LRP1B: variants seen among roughly 807,000 people sequenced by gnomAD.
LRP1B encodes the protein low-density lipoprotein receptor-related protein 1B.
Under a neutral mutation model 556.6 loss-of-function variants are expected in LRP1B, and 217 were observed. That is an observed-to-expected ratio of 0.39 (90% CI 0.35 to 0.44). The LOEUF is 0.44. LRP1B is among the 20% of genes least tolerant of loss of function. The pLI is 1.00. For synonymous variants in LRP1B, 2,047 were observed against 1,865.8 expected (o/e 1.10, Z -2.50); for missense variants, 5,053 against 5,620.8 (o/e 0.90, Z 3.23).
chr2:140,663,641 G>T (rs1685170831), intron 41 of LRP1B, among the ~76,000 whole-genome samples: 1 of 152,094 alleles, frequency 6.6e-6, no homozygotes, highest in Non-Finnish European at 1.5e-5. Context: ...TGTCGTGGCT[G>T]GTTTGACCTT....
At chr2:141,755,310 A>G (rs909915366) in intron 2 of LRP1B, among the ~76,000 whole-genome samples, 7 of 152,098 alleles carry the variant, frequency 4.6e-5, no homozygotes, top group African/African-American at 9.7e-5. Flanking sequence ...GTTCTTATAA[A>G]CCAATATCAT....
At chr2:141,154,532 G>A (rs1702018114) in intron 7 of LRP1B, among the ~76,000 whole-genome samples, 1 of 151,726 alleles carries the variant, frequency 6.6e-6, no homozygotes, top group Non-Finnish European at 1.5e-5. Flanking sequence ...TTCTCTTCAA[G>A]CAATCAGAAA....
chr2:141,695,476 A>C (rs1691704313), intron 2 of LRP1B, among the ~76,000 whole-genome samples: 1 of 151,986 alleles, frequency 6.6e-6, no homozygotes, highest in Non-Finnish European at 1.5e-5. Context: ...TCTTCACAAT[A>C]AATTTATAAA....
chr2:141,034,157 A>G (rs1698460733), intron 11 of LRP1B, among the ~76,000 whole-genome samples: 1 of 152,114 alleles, frequency 6.6e-6, no homozygotes, highest in Non-Finnish European at 1.5e-5. Context: ...GTTTACACCT[A>G]TGGTATCTTA....
At chr2:141,154,396 C>A (rs978479374) in intron 7 of LRP1B, among the ~76,000 whole-genome samples, 2 of 151,758 alleles carry the variant, frequency 1.3e-5, no homozygotes, top group African/African-American at 4.8e-5. Flanking sequence ...CACAATTTCT[C>A]CCTGTAATTA....
At chr2:140,281,450 T>C (rs1159975857) in intron 84 of LRP1B, among the ~76,000 whole-genome samples, 1 of 151,812 alleles carries the variant, frequency 6.6e-6, no homozygotes, top group Non-Finnish European at 1.5e-5. Flanking sequence ...AAGCAGGGTA[T>C]GAAGATACCA....
At chr2:140,991,128 CT>C (rs1251487545) in intron 16 of LRP1B, among the ~76,000 whole-genome samples, 1 of 152,084 alleles carries the variant, frequency 6.6e-6, no homozygotes, top group Non-Finnish European at 1.5e-5. Context: ...ACTTCAGGGA[CT>C]TTAGCAAGAA....
In LRP1B at chr2:140,770,940, G is replaced by A. The variant is rs2104939151; in HGVS notation, c.5567C>T (p.Thr1856Ile). The A allele has an allele frequency of 1.3e-6, 2 of 1,588,114 alleles. No individual in the cohort carries two copies. The highest frequency in any genetic ancestry group is 1.7e-6 in the Non-Finnish European group (2 of 1,169,482). Residue 1856 changes from threonine (T) to isoleucine (I), a missense_variant, in exon 34 of 91, where the codon ACA becomes ATA. Coordinates refer to ENST00000389484, the MANE Select transcript of LRP1B (RefSeq NM_018557.3). ...SQLCLPTSET[T>I]RTCMCTVGYY... ...TCCCACTGTACACATACAAGTCCTT[G>A]TAGTTTCAGATGTTGGTAAACAAAG...
chr2:140,619,129 A>T (rs1683363022), intron 41 of LRP1B, among the ~76,000 whole-genome samples: 1 of 151,470 alleles, frequency 6.6e-6, no homozygotes, highest in Admixed American at 6.6e-5. Context: ...CTGACTCAAA[A>T]GGAGATGACT....
At chr2:141,934,396 A>G (rs550853421) in intron 1 of LRP1B, among the ~76,000 whole-genome samples, 95 of 152,290 alleles carry the variant, frequency 6.2e-4, no homozygotes, top group Non-Finnish European at 1.1e-3. Flanking sequence ...ACATAAATCT[A>G]TAGAATCAGG....
intron 2 of LRP1B, among the ~76,000 whole-genome samples, chr2:141,508,085 C>CT (rs1683994702): frequency 3.4e-5 from 1 of 29,400 alleles, no homozygotes; most frequent in East Asian, 5.0e-3. Context: ...GACTCCATCC[C>CT]CCCCCCAAAA....
chr2:141,974,611 C>G (rs188863902), intron 1 of LRP1B, among the ~76,000 whole-genome samples: 1 of 151,850 alleles, frequency 6.6e-6, no homozygotes, highest in Non-Finnish European at 1.5e-5. Context: ...TGTAAACACG[C>G]GTTATGTGGA....
At chr2:140,641,834 C>A (rs1684308461) in intron 41 of LRP1B, among the ~76,000 whole-genome samples, 1 of 152,106 alleles carries the variant, frequency 6.6e-6, no homozygotes, top group Non-Finnish European at 1.5e-5. Flanking sequence ...AAAATAGGCT[C>A]TGGAATCTAA....
chr2:140,557,030 C>T (rs529283409), intron 43 of LRP1B, among the ~76,000 whole-genome samples: 2 of 152,180 alleles, frequency 1.3e-5, no homozygotes, highest in South Asian at 2.1e-4. Flanking sequence ...AAAACTACTA[C>T]GGGTTCTGAC....
chr2:142,054,989 T>C (rs1164107457), intron 1 of LRP1B, among the ~76,000 whole-genome samples: 3 of 152,160 alleles, frequency 2.0e-5, no homozygotes, highest in South Asian at 2.1e-4. Context: ...TAGTGAGCCA[T>C]AGAGAAAAGC....
At chr2:140,915,816 C>T (rs1478408127) in intron 21 of LRP1B, among the ~76,000 whole-genome samples, 2 of 151,942 alleles carry the variant, frequency 1.3e-5, no homozygotes, top group African/African-American at 4.8e-5. Flanking sequence ...CTCACGAGGT[C>T]AGGAGATCGA....
chr2:140,527,008 A>T (rs1290088071), intron 47 of LRP1B, among the ~76,000 whole-genome samples: 3 of 151,440 alleles, frequency 2.0e-5, no homozygotes. Flanking sequence ...TATTTAATAT[A>T]ATAAATAGGA....
At position 141,360,964 on chromosome 2, in the gene LRP1B, G is replaced by A. The variant is rs552038161; in HGVS notation, c.344-106323C>T. On this transcript the variant is annotated intron_variant, in intron 3 of 90. Coordinates refer to ENST00000389484, the MANE Select transcript of LRP1B (RefSeq NM_018557.3). ...TTTCTTTCACCTTGCCATTTTAGAA[G>A]TCATTTTATAAGTACCTCCCCAAAT... 4.1e-4 allele frequency among the ~76,000 whole-genome samples: 63 copies of A among 152,156 alleles called. 1 individual carries two copies. In the South Asian group the frequency reaches 0.013, roughly 32 times the overall value.
At chr2:141,899,101 G>A (rs968988187) in intron 1 of LRP1B, among the ~76,000 whole-genome samples, 2 of 152,102 alleles carry the variant, frequency 1.3e-5, no homozygotes, top group African/African-American at 4.8e-5. Context: ...TTGATGCTAA[G>A]TTGAAACTGA....
Sources: gnomAD v4.1 joint callset for allele counts (sites outside exome capture counted in the v4.1 genomes callset) on GRCh38, gnomAD v4.1.1 for gene constraint, MANE v1.5 for transcripts, NCBI Gene and HGNC (gene_info 2026-07-23, HGNC 2026-07-21) for gene names.